Variants in CNTN6 observed in about 807,000 individuals in gnomAD.
CNTN6 encodes contactin 6, also known as contactin-6.
A neutral mutation model predicts 122.8 loss-of-function variants in CNTN6; 137 were observed. The observed-to-expected ratio is 1.12, with a 90% CI of 0.97 to 1.29. The LOEUF (loss-of-function observed/expected upper bound fraction) is 1.29. Among genes scored for constraint, CNTN6 ranks in the 50% most tolerant of loss-of-function variants. The pLI is 0.00. For synonymous variants in CNTN6, 570 were observed against 426.0 expected (o/e 1.34, Z -4.16); for missense variants, 1,634 against 1,223.4 (o/e 1.34, Z -5.01).
At chr3:1,367,799 GATA>G (rs1708454824) in intron 12 of CNTN6, among the ~76,000 whole-genome samples, 13 of 152,148 alleles carry the variant, frequency 8.5e-5, no homozygotes, top group Non-Finnish European at 1.3e-4. Context: ...AAGGGATGGA[GATA>G]ATGGTGGTAG....
At chr3:1,128,636 C>T (rs1195848578) in intron 1 of CNTN6, among the ~76,000 whole-genome samples, 3 of 151,968 alleles carry the variant, frequency 2.0e-5, no homozygotes, top group Admixed American at 6.6e-5. Flanking sequence ...AAGAACATAG[C>T]TGTGCTGGTT....
chr3:1,102,882 C>A lies in CNTN6; in HGVS notation c.-83+9762C>A, dbSNP rs370561131. On this transcript the variant is annotated intron_variant, in intron 1 of 22. Coordinates refer to ENST00000446702, the MANE Select transcript of CNTN6 (RefSeq NM_001289080.2). ...CAGCACTTTTGGAGGCCGAGGCGGGCGGATCACGAGATCAGGAGATCGAGA... is the reference window on the plus strand; with the variant it reads ...CAGCACTTTTGGAGGCCGAGGCGGGAGGATCACGAGATCAGGAGATCGAGA... 2.1e-4 allele frequency among the ~76,000 whole-genome samples: 31 copies of A among 150,968 alleles called. No individual in the cohort carries two copies. In the East Asian group the frequency reaches 5.7e-3, roughly 28 times the overall value.
intron 1 of CNTN6, among the ~76,000 whole-genome samples, chr3:1,136,021 G>A (rs2092463635): frequency 6.6e-6 from 1 of 152,112 alleles, no homozygotes; most frequent in African/African-American, 2.4e-5. Flanking sequence ...CATCGTGTGT[G>A]GTTAGAGAGT....
intron 4 of CNTN6, among the ~76,000 whole-genome samples, chr3:1,253,999 G>T (rs1052313945): frequency 1.3e-5 from 2 of 152,162 alleles, no homozygotes; most frequent in South Asian, 4.1e-4. Context: ...ATATAAATGG[G>T]ATTGTTCTAG....
intron 11 of CNTN6, among the ~76,000 whole-genome samples, chr3:1,344,378 C>T (rs1704348137): frequency 6.6e-6 from 1 of 152,136 alleles, no homozygotes; most frequent in African/African-American, 2.4e-5. Flanking sequence ...CACTTGGGAA[C>T]AGTCTGTGGA....
At chr3:1,385,460 G>A (rs1324025078) in intron 19 of CNTN6, 151 bp from the exon 20 acceptor site, 2 of 538,210 alleles carry the variant, frequency 3.7e-6, no homozygotes, top group African/African-American at 2.0e-5. Flanking sequence ...TTTTGTTGTT[G>A]TATAACCATT....
In CNTN6 at chr3:1,190,430, C is replaced by G. The variant is rs193080596; in HGVS notation, c.56-30257C>G. ...CTCCTATTAGGCTGACTCTAGTTCT[C>G]TTTTTACTGAAACCGCCTTGCTTTT... is the stretch of plus-strand genomic sequence containing the variant. On this transcript the variant is annotated intron_variant, in intron 2 of 22. Coordinates refer to ENST00000446702, the MANE Select transcript of CNTN6 (RefSeq NM_001289080.2). Among the ~76,000 whole-genome samples, 674 of 152,282 alleles carry G rather than the reference C, an allele frequency of 4.4e-3. 3 individuals carry two copies. Among genetic ancestry groups the G allele is most frequent in the African/African-American group, 0.016 (648 of 41,556 alleles).
At chr3:1,371,026 T>C (rs1043769684) in intron 12 of CNTN6, among the ~76,000 whole-genome samples, 2 of 152,148 alleles carry the variant, frequency 1.3e-5, no homozygotes. Context: ...TTTGTCAGTA[T>C]GTACCTTAAA....
intron 11 of CNTN6, among the ~76,000 whole-genome samples, chr3:1,351,182 C>G (rs972489581): frequency 1.3e-5 from 2 of 151,794 alleles, no homozygotes; most frequent in African/African-American, 4.8e-5. Flanking sequence ...TGCAAATTGT[C>G]GTTGGCTGGT....
chr3:1,184,787 C>T (rs953380222), intron 2 of CNTN6, among the ~76,000 whole-genome samples: 1 of 152,048 alleles, frequency 6.6e-6, no homozygotes, highest in Admixed American at 6.6e-5. Flanking sequence ...GTAGCCCAGG[C>T]ATTAAGTACA....
chr3:1,165,605 T>G (rs2093229898), intron 2 of CNTN6, among the ~76,000 whole-genome samples: 1 of 151,136 alleles, frequency 6.6e-6, no homozygotes, highest in Non-Finnish European at 1.5e-5. Flanking sequence ...CAAGGACTTA[T>G]AATAATAATA....
chr3:1,367,445 C>T (rs1279415692), intron 12 of CNTN6, among the ~76,000 whole-genome samples: 1 of 152,042 alleles, frequency 6.6e-6, no homozygotes, highest in Non-Finnish European at 1.5e-5. Flanking sequence ...GAGCCCTGTG[C>T]TGAGGAAGTC....
intron 1 of CNTN6, among the ~76,000 whole-genome samples, chr3:1,126,198 C>T (rs2092152445): frequency 6.6e-6 from 1 of 151,846 alleles, no homozygotes; most frequent in Admixed American, 6.6e-5. Context: ...TTCTAAGCCT[C>T]CATTCCTCAC....
intron 4 of CNTN6, among the ~76,000 whole-genome samples, chr3:1,259,869 A>T (rs1020380045): frequency 5.3e-5 from 8 of 151,908 alleles, no homozygotes; most frequent in Non-Finnish European, 1.0e-4. Context: ...ATACACACAC[A>T]TACATACAAA....
At chr3:1,380,597 G>A (rs191969033) in intron 17 of CNTN6, among the ~76,000 whole-genome samples, 5 of 152,198 alleles carry the variant, frequency 3.3e-5, no homozygotes, top group Admixed American at 6.6e-5. Context: ...GGGTTGGCAC[G>A]CTTTTTATTT....
intron 2 of CNTN6, among the ~76,000 whole-genome samples, chr3:1,209,561 A>G (rs564339010): frequency 6.6e-6 from 1 of 152,244 alleles, no homozygotes; most frequent in Non-Finnish European, 1.5e-5. Context: ...TTGAACATAT[A>G]CTTTTGAAAT....
chr3:1,339,169 A>C (rs1428458732), intron 11 of CNTN6, among the ~76,000 whole-genome samples: 1 of 151,900 alleles, frequency 6.6e-6, no homozygotes, highest in Non-Finnish European at 1.5e-5. Context: ...AAAACCTTTC[A>C]TTCCACAGAT....
At chr3:1,244,329 T>A (rs571376061) in intron 4 of CNTN6, among the ~76,000 whole-genome samples, 97 of 152,022 alleles carry the variant, frequency 6.4e-4, no homozygotes, top group Non-Finnish European at 1.2e-3. Context: ...TCTTGCCTCC[T>A]AGAAAAGTGG....
At chr3:1,346,549 T>C (rs769962215) in intron 11 of CNTN6, among the ~76,000 whole-genome samples, 16 of 152,098 alleles carry the variant, frequency 1.1e-4, no homozygotes, top group Non-Finnish European at 2.1e-4. Flanking sequence ...GTGACCTCTT[T>C]GTACACACCA....
Sources: allele counts gnomAD v4.1 joint callset (sites outside exome capture counted in the v4.1 genomes callset), GRCh38; gene constraint gnomAD v4.1.1; transcripts MANE v1.5; gene names NCBI Gene and HGNC (gene_info 2026-07-23, HGNC 2026-07-21).